Variants in PTPN4 observed in about 807,000 individuals in gnomAD.
PTPN4 encodes protein tyrosine phosphatase non-receptor type 4, also known as tyrosine-protein phosphatase non-receptor type 4.
In PTPN4, 49 loss-of-function variants were observed where a neutral mutation model predicts 135.5. That is an observed-to-expected ratio of 0.36 (90% CI 0.29 to 0.46). PTPN4 has a LOEUF of 0.46. PTPN4 is among the 20% of genes least tolerant of loss of function. PTPN4 has a pLI of 1.00. For synonymous variants in PTPN4, 333 were observed against 369.9 expected (o/e 0.90, Z 1.14); for missense variants, 860 against 1,101.0 (o/e 0.78, Z 3.10).
intron 10 of PTPN4, among the ~76,000 whole-genome samples, chr2:119,909,548 C>T (rs1418105924): frequency 6.6e-6 from 1 of 152,170 alleles, no homozygotes. Flanking sequence ...TGCTTGCTGT[C>T]ACAATATGAA....
chr2:119,935,134 C>T, intron 15 of PTPN4, 176 bp downstream of exon 15: 1 of 698,670 alleles, frequency 1.4e-6, no homozygotes, highest in South Asian at 2.1e-5. Flanking sequence ...GCCTCTCCCT[C>T]CCCGACCCAG....
chr2:119,920,537 T>C (rs1016091123), intron 12 of PTPN4, among the ~76,000 whole-genome samples: 1 of 152,236 alleles, frequency 6.6e-6, no homozygotes, highest in African/African-American at 2.4e-5. Flanking sequence ...TTCTATTGTG[T>C]CTTTATTAGA....
chr2:119,903,556 G>GACACACACACAC (rs35324437), intron 10 of PTPN4, among the ~76,000 whole-genome samples: 6 of 147,750 alleles, frequency 4.1e-5, no homozygotes, highest in African/African-American at 1.5e-4. Context: ...TGCAGCTGCT[G>GACACACACACAC]ACACACACAC....
At chr2:119,914,176 A>C (rs1248007711) in intron 10 of PTPN4, among the ~76,000 whole-genome samples, 1 of 149,034 alleles carries the variant, frequency 6.7e-6, no homozygotes, top group African/African-American at 2.5e-5. Flanking sequence ...CTGAAATATC[A>C]GTGTGTCTTC....
chr2:119,959,202 T>C (rs961362929), intron 22 of PTPN4, among the ~76,000 whole-genome samples: 4 of 151,258 alleles, frequency 2.6e-5, no homozygotes, highest in African/African-American at 9.7e-5. Flanking sequence ...GAATCCTTGA[T>C]GGAGGATTAG....
intron 9 of PTPN4, among the ~76,000 whole-genome samples, chr2:119,899,652 T>C (rs1454488377): frequency 6.6e-6 from 1 of 152,172 alleles, no homozygotes; most frequent in Non-Finnish European, 1.5e-5. Context: ...GAGTATATAT[T>C]TACCCTTGCA....
chr2:119,903,488 T>A (rs900034009), intron 10 of PTPN4, among the ~76,000 whole-genome samples: 2 of 151,798 alleles, frequency 1.3e-5, no homozygotes, highest in Non-Finnish European at 2.9e-5. Flanking sequence ...TAGATGTGCC[T>A]CGCCCTCAGC....
Position 119,965,614 on chromosome 2 carries a change from G to C in PTPN4, c.2527G>C (p.Gly843Arg). ...TTGTCATGTACGAAACAAGAGGGCT[G>C]GCAAGGAAGAACCCGTTGTTGTCCA... ...FVCHVRNKRA[G>R]KEEPVVVHCS... Residue 843 changes from glycine to arginine, a missense_variant, in exon 25 of 27, where the codon GGC (glycine) becomes CGC (arginine). This residue lies in a region of PTPN4 where 176 missense variants were observed against 294.1 expected (regional missense o/e 0.60). Transcript: ENST00000263708. 6.2e-7 allele frequency: 1 copy of C among 1,613,998 alleles called. No homozygotes were observed. Among genetic ancestry groups the C allele is most frequent in the Non-Finnish European group, 8.5e-7 (1 of 1,179,958 alleles).
intron 2 of PTPN4, among the ~76,000 whole-genome samples, chr2:119,812,837 G>A (rs1676915398): frequency 1.3e-5 from 2 of 152,118 alleles, no homozygotes; most frequent in South Asian, 4.1e-4. Flanking sequence ...TACATGGATT[G>A]ATGTCTTCAA....
intron 5 of PTPN4, among the ~76,000 whole-genome samples, chr2:119,881,357 C>T (rs1416676455): frequency 2.0e-5 from 3 of 152,344 alleles, no homozygotes; most frequent in Non-Finnish European, 4.4e-5. Flanking sequence ...GCTGGCCTGT[C>T]CTTGTAGCTG....
chr2:119,844,357 C>G (rs1225279977), intron 2 of PTPN4, among the ~76,000 whole-genome samples: 12 of 147,410 alleles, frequency 8.1e-5, no homozygotes, highest in African/African-American at 2.5e-4. Context: ...TGACCCCCCC[C>G]CCCCACCTCC....
intron 1 of PTPN4, chr2:119,771,703 C>T (rs1409798924): frequency 6.6e-6 from 1 of 152,202 alleles, no homozygotes; most frequent in African/African-American, 2.4e-5. Context: ...CTCTTCTCCC[C>T]TAATTTTCCC....
intron 15 of PTPN4, among the ~76,000 whole-genome samples, 193 bp from the exon 16 acceptor site, chr2:119,944,888 T>C (rs1679110717): frequency 6.6e-6 from 1 of 152,092 alleles, no homozygotes; most frequent in African/African-American, 2.4e-5. Flanking sequence ...ATATAATTGT[T>C]TATAAATTTG....
At chr2:119,871,282 G>A (rs1388833597) in intron 3 of PTPN4, among the ~76,000 whole-genome samples, 1 of 151,502 alleles carries the variant, frequency 6.6e-6, no homozygotes, top group Admixed American at 6.6e-5. Flanking sequence ...GTTTTTGGAA[G>A]GCAGATGGCA....
chr2:119,920,047 T>C, intron 11 of PTPN4, 22 bp from the exon 12 acceptor site: 1 of 1,584,152 alleles, frequency 6.3e-7, no homozygotes, highest in Non-Finnish European at 8.6e-7. Flanking sequence ...TGGTATTCTC[T>C]GCATTTTGTC....
intron 2 of PTPN4, among the ~76,000 whole-genome samples, chr2:119,861,970 G>A (rs963503683): frequency 7.1e-6 from 1 of 141,370 alleles, no homozygotes; most frequent in Non-Finnish European, 1.5e-5. Flanking sequence ...TACCATCTTC[G>A]TTCCCCTTTT....
chr2:119,862,699 TAG>T, intron 3 of PTPN4, 56 bp downstream of exon 3: 1 of 1,414,752 alleles, frequency 7.1e-7, no homozygotes, highest in East Asian at 2.3e-5. Flanking sequence ...CAGTTTAGTG[TAG>T]AAAGTCCTTT....
intron 3 of PTPN4, among the ~76,000 whole-genome samples, chr2:119,876,008 G>A (rs767925878): frequency 3.9e-5 from 6 of 152,114 alleles, no homozygotes; most frequent in Admixed American, 2.6e-4. Context: ...TGAGACTTAC[G>A]GATAATGAAG....
At chr2:119,862,187 A>T (rs1459745507) in intron 2 of PTPN4, among the ~76,000 whole-genome samples, 1 of 152,176 alleles carries the variant, frequency 6.6e-6, no homozygotes, top group African/African-American at 2.4e-5. Context: ...TTGTATTTTC[A>T]TATTTATTAT....
Sources: gnomAD v4.1 joint callset for allele counts (sites outside exome capture counted in the v4.1 genomes callset) on GRCh38, gnomAD v4.1.1 for gene constraint, gnomAD v4.1.1 regional missense constraint, MANE v1.5 for transcripts, NCBI Gene and HGNC (gene_info 2026-07-23, HGNC 2026-07-21) for gene names.